Variants in MRC2 observed in about 807,000 individuals in gnomAD.
MRC2 encodes the protein mannose receptor C-type 2, also known as C-type mannose receptor 2.
In MRC2, 84 loss-of-function variants were observed where a neutral mutation model predicts 206.2. The observed-to-expected ratio is 0.41, with a 90% CI of 0.34 to 0.49. MRC2 has a LOEUF of 0.49. Ranked by LOEUF, MRC2 falls within the 20% of genes least tolerant of loss-of-function variation. The pLI is 0.31. For synonymous variants in MRC2, 798 were observed against 800.0 expected (o/e 1.00, Z 0.04); for missense variants, 1,676 against 2,001.5 (o/e 0.84, Z 3.10).
At position 62,678,612 on chromosome 17, in the gene MRC2, C is replaced by G; in HGVS notation, c.2161C>G (p.His721Asp). 1 of 1,611,866 alleles carries G rather than the reference C, an allele frequency of 6.2e-7. No individual in the cohort carries two copies. The highest frequency in any genetic ancestry group is 1.1e-5 in the South Asian group (1 of 90,860). Residue 721 changes from histidine to aspartate, a missense_variant, in exon 13 of 30, where the codon CAC becomes GAC. This residue lies in a region of MRC2 where 1,354 missense variants were observed against 1,636.6 expected (regional missense o/e 0.83). Transcript: ENST00000303375. ...GAGCCTGGCCAGCTACGAGGAGGAG[C>G]ACTTTGTGGCCAACATGCTCAACAA... ...LLSLASYEEE[H>D]FVANMLNKIF...
Position 62,675,106 on chromosome 17 carries a change from A to G in MRC2, c.1570-684A>G, listed in dbSNP as rs1328647471. On this transcript the variant is annotated intron_variant, in intron 9 of 29. Coordinates refer to ENST00000303375, the MANE Select transcript of MRC2 (RefSeq NM_006039.5). This position sits in a 1 kb window ranked among gnomAD's most constrained non-coding sequence, Gnocchi z 4.1. ...CTGTGTCATGGCTGCGAAGAGGTGA[A>G]GGGAGGAGTAGAGAGGAATTACCAA... is the stretch of plus-strand genomic sequence containing the variant. Among the ~76,000 whole-genome samples the G allele has an allele frequency of 6.6e-6, 1 of 152,178 alleles. No individual in the cohort carries two copies. Among genetic ancestry groups the G allele is most frequent in the Admixed American group, 6.5e-5 (1 of 15,292 alleles).
chr17:62,668,478 T>G (rs1328227331), intron 6 of MRC2, among the ~76,000 whole-genome samples: 1 of 151,690 alleles, frequency 6.6e-6, no homozygotes, highest in Non-Finnish European at 1.5e-5. Flanking sequence ...CCACTTCAAG[T>G]ATGGTCATCC....
In MRC2 at chr17:62,666,086, C is replaced by A. The variant is rs2088749433; in HGVS notation, c.521-8C>A. On this transcript the variant is annotated splice_region_variant and splice_polypyrimidine_tract_variant and intron_variant, in intron 2 of 29. Coordinates refer to ENST00000303375, the MANE Select transcript of MRC2 (RefSeq NM_006039.5). The surrounding 1 kb of genome is among the most constrained non-coding windows in gnomAD (Gnocchi z 5.0). ...GCCAAGGGCCTGGCCCCTGTCCACC[C>A]CCTGCAGAGGTCTACACCATCCAGG... is the stretch of plus-strand genomic sequence containing the variant. 2 of 1,580,038 alleles carry A rather than the reference C, an allele frequency of 1.3e-6. No homozygotes were observed. The highest frequency in any genetic ancestry group is 1.7e-6 in the Non-Finnish European group (2 of 1,162,516).
At chr17:62,639,795 A>G (rs1450270166) in intron 1 of MRC2, among the ~76,000 whole-genome samples, 1 of 152,040 alleles carries the variant, frequency 6.6e-6, no homozygotes, top group Non-Finnish European at 1.5e-5. Context: ...TAGTAGCAAA[A>G]CAAATTGGAA....
At chr17:62,659,410 C>G (rs1030327265) in intron 1 of MRC2, among the ~76,000 whole-genome samples, 5 of 152,122 alleles carry the variant, frequency 3.3e-5, no homozygotes, top group African/African-American at 9.7e-5. Flanking sequence ...CATGGTGACG[C>G]AGGCCTGTAG....
rs1466856559 is a variant in MRC2, at chr17:62,690,756, C to A, written c.4007C>A (p.Pro1336His). ...RGAWLGMNFN[P>H]KGGTLVWQDN... is the part of the protein sequence containing the mutation. ...GCCTGGCTGGGCATGAACTTCAACC[C>A]CAAAGGTGGGTGCCCTGTGTGTGGG... The change falls in exon 27 of 30, where the codon CCC (proline) becomes CAC (histidine). Residue 1336 changes from proline to histidine, a missense_variant. Physicochemically the swap from Pro to His is moderately conservative, Grantham distance 77 (BLOSUM62 -2). Transcript: ENST00000303375. 2 of 1,605,046 alleles carry A rather than the reference C, an allele frequency of 1.2e-6. No individual in the cohort carries two copies. The highest frequency in any genetic ancestry group is 1.7e-6 in the Non-Finnish European group (2 of 1,175,926).
chr17:62,687,048 A>T (rs1396656047), intron 20 of MRC2, among the ~76,000 whole-genome samples: 2 of 152,098 alleles, frequency 1.3e-5, no homozygotes, highest in East Asian at 3.9e-4. Context: ...TTGTATTACC[A>T]CTTTACAGAA....
In MRC2 at chr17:62,680,261, C is replaced by T. The variant is rs781455215; in HGVS notation, c.2390C>T (p.Ala797Val). The change falls in exon 15 of 30, where the codon GCC (alanine) becomes GTC (valine). Residue 797 changes from alanine (A) to valine (V), a missense_variant. By Grantham distance (64) the Ala-to-Val change is moderately conservative. Around this residue, in one of 3 missense-constraint regions of MRC2, gnomAD observed 1,354 missense variants for 1,636.6 expected, o/e 0.83. Transcript: ENST00000303375. The surrounding 1 kb of genome is among the most constrained non-coding windows in gnomAD (Gnocchi z 4.8). ...GACCTGGCCTCCCTGCAGTGGGTGGCCATGCAGTGCGACACACAGCTGGAC... is the reference window on the plus strand; with the variant it reads ...GACCTGGCCTCCCTGCAGTGGGTGGTCATGCAGTGCGACACACAGCTGGAC... Reference protein sequence around the residue: ...VLDLASLQWVAMQCDTQLDWI... With the variant: ...VLDLASLQWVVMQCDTQLDWI... 24 of 1,613,926 alleles carry T rather than the reference C, an allele frequency of 1.5e-5. No individual in the cohort carries two copies. The South Asian group carries it at 2.4e-4, about 16-fold the overall frequency.
chr17:62,689,776 T>C lies in MRC2; in HGVS notation c.3573+16T>C, dbSNP rs975278624. The C allele has an allele frequency of 2.0e-6, 3 of 1,534,022 alleles. No homozygotes were observed. The highest frequency in any genetic ancestry group is 1.8e-6 in the Non-Finnish European group (2 of 1,139,660). On this transcript the variant is annotated intron_variant, in intron 24 of 29. Transcript: ENST00000303375. ...TGGCGAGGAGGTGGGCTCCCGACAC[T>C]TTTGCCCTGGGCCCCAGCCTTGCCC...
rs755310888 is a variant in MRC2, at chr17:62,681,122, C to T, written c.2695C>T (p.Arg899Cys). The T allele has an allele frequency of 5.6e-6, 9 of 1,613,546 alleles. No homozygotes were observed. The highest frequency in any genetic ancestry group is 3.3e-5 in the South Asian group (3 of 91,070). ...IGLHTSESDG[R>C]FRWTDGSIIN... ...CCTGCACACCTCTGAGAGCGATGGG[C>T]GCTTCAGGTAGGAACCCAGGCAGGC... is the stretch of plus-strand genomic sequence containing the variant. The change falls in exon 18 of 30, where the codon CGC (arginine) becomes TGC (cysteine). Residue 899 changes from arginine to cysteine, a missense_variant. Arg to Cys is a radical substitution (Grantham distance 180). This residue lies in a region of MRC2 where 1,354 missense variants were observed against 1,636.6 expected (regional missense o/e 0.83). Coordinates refer to ENST00000303375, the MANE Select transcript of MRC2 (RefSeq NM_006039.5).
chr17:62,688,305 G>T lies in MRC2; in HGVS notation c.2963G>T (p.Gly988Val). The change falls in exon 21 of 30, where the codon GGC becomes GTC. Residue 988 changes from glycine to valine, a missense_variant. Transcript: ENST00000303375. ...GCCCCACAGTGTTTTCAGGTCCAGG[G>T]CCAGGAACCCCAGAGCCGGGTGAAG... is the stretch of plus-strand genomic sequence containing the variant. ...QFLNKCFQVQ[G>V]QEPQSRVKWS... 6.2e-7 allele frequency: 1 copy of T among 1,614,076 alleles called. No individual in the cohort carries two copies. Among genetic ancestry groups the T allele is most frequent in the Non-Finnish European group, 8.5e-7 (1 of 1,180,024 alleles).
intron 1 of MRC2, among the ~76,000 whole-genome samples, chr17:62,656,812 A>C (rs2088624726): frequency 6.6e-6 from 1 of 152,200 alleles, no homozygotes. Context: ...CACAGAATGG[A>C]GGAAAGAGCC....
In MRC2 at chr17:62,689,963, C is replaced by A. The variant is rs771102840; in HGVS notation, c.3643C>A (p.Gln1215Lys). 5.6e-6 allele frequency: 9 copies of A among 1,612,266 alleles called. No homozygotes were observed. Among genetic ancestry groups the A allele is most frequent in the South Asian group, 5.5e-5 (5 of 90,990 alleles). ...CGTGGGCTGGCAGGACGGGGAGCCG[C>A]AGCAGCCGGGGGGCTGTACCTACGT... ...NYVGWQDGEPQQPGGCTYVDV... is the reference protein window; with the variant it reads ...NYVGWQDGEPKQPGGCTYVDV... Residue 1215 changes from glutamine (Q) to lysine (K), a missense_variant, in exon 25 of 30, where the codon CAG becomes AAG. By Grantham distance (53) the Gln-to-Lys change is moderately conservative. Coordinates refer to ENST00000303375, the MANE Select transcript of MRC2 (RefSeq NM_006039.5).
rs1234252605 is a variant in MRC2 at position 62,672,747 on chromosome 17, A to T, written c.1461+595A>T. ...TGGCTCATGCCTATAATCCCAGCAC[A>T]TTGGGAGGCTGAGGCAGGCGGATCA... On this transcript the variant is annotated intron_variant, in intron 8 of 29. Transcript: ENST00000303375. This position sits in a 1 kb window ranked among gnomAD's most constrained non-coding sequence, Gnocchi z 4.5. Among the ~76,000 whole-genome samples, 1 of 152,134 alleles carries T rather than the reference A, an allele frequency of 6.6e-6. No homozygotes were observed. Among genetic ancestry groups the T allele is most frequent in the Non-Finnish European group, 1.5e-5 (1 of 68,020 alleles).
chr17:62,676,255 G>C (rs1035096537), intron 10 of MRC2, 128 bp from the exon 11 acceptor site: 29 of 1,173,976 alleles, frequency 2.5e-5, no homozygotes, highest in Non-Finnish European at 3.4e-5. Flanking sequence ...GCTCCCAGGC[G>C]TCCCTGCTTT....
At chr17:62,634,460 G>A (rs776224571) in intron 1 of MRC2, among the ~76,000 whole-genome samples, 9 of 152,008 alleles carry the variant, frequency 5.9e-5, no homozygotes, top group East Asian at 3.9e-4. Context: ...GCCACTACAC[G>A]TGGCTAATGT....
intron 9 of MRC2, among the ~76,000 whole-genome samples, chr17:62,674,701 A>T (rs373510456): frequency 8.4e-6 from 1 of 119,758 alleles, no homozygotes; most frequent in African/African-American, 3.7e-5. Flanking sequence ...AGGGAGGTTG[A>T]GGGGGGGGGT....
Position 62,664,552 on chromosome 17 carries a change from C to A in MRC2, c.123C>A (p.Pro41=), listed in dbSNP as rs776614066. The A allele has an allele frequency of 2.5e-6, 4 of 1,608,400 alleles. No individual in the cohort carries two copies. In the African/African-American group the frequency reaches 5.3e-5, roughly 21 times the overall value. ...GAPGDAALPE[P]NVFLIFSHGL... is the part of the protein sequence containing the mutation. Reference sequence around the variant, plus strand: ...GTGTCTTGCCTTCCCTTCCAGAACCCAACGTCTTCCTCATCTTCAGCCATG... The same window carrying A: ...GTGTCTTGCCTTCCCTTCCAGAACCAAACGTCTTCCTCATCTTCAGCCATG... The change falls in exon 2 of 30, where the codon CCC becomes CCA. Residue 41 remains proline (P), a synonymous_variant. Transcript: ENST00000303375. The surrounding 1 kb of genome is among the most constrained non-coding windows in gnomAD (Gnocchi z 4.7).
At position 62,692,138 on chromosome 17, in the gene MRC2, G is replaced by T. The variant is rs762511804; in HGVS notation, c.4219G>T (p.Ala1407Ser). 1.9e-6 allele frequency: 3 copies of T among 1,614,112 alleles called. No homozygotes were observed. In the African/African-American group the frequency reaches 4.0e-5, roughly 22 times the overall value. The part of the protein sequence containing the change: ...RAEQSSFSPS[A>S]LPENPAALVV... ...TGAGCAGAGCAGCTTCTCCCCATCA[G>T]GTGAGTGAAAGGCAATGCCCCCAGG... Residue 1407 changes from alanine (A) to serine (S), a missense_variant and splice_region_variant, in exon 29 of 30, where the codon GCG becomes TCG. Ala to Ser is a moderately conservative substitution (Grantham distance 99). This residue lies in a region of MRC2 where 1,354 missense variants were observed against 1,636.6 expected (regional missense o/e 0.83). Transcript: ENST00000303375. The surrounding 1 kb of genome is among the most constrained non-coding windows in gnomAD (Gnocchi z 4.2).
Sources: gnomAD v4.1 joint callset for allele counts (sites outside exome capture counted in the v4.1 genomes callset) on GRCh38, gnomAD v4.1.1 for gene constraint, gnomAD v4.1.1 regional missense constraint, Gnocchi (gnomAD v3.1) non-coding constraint, MANE v1.5 for transcripts, NCBI Gene and HGNC (gene_info 2026-07-23, HGNC 2026-07-21) for gene names.